Variants in NR3C2 observed in about 807,000 individuals in gnomAD.
NR3C2 encodes nuclear receptor subfamily 3 group C member 2.
NR3C2 carries 15 observed loss-of-function variants against 86.4 expected under a neutral mutation model. The observed-to-expected ratio is 0.17, with a 90% CI of 0.12 to 0.27. The LOEUF (loss-of-function observed/expected upper bound fraction) is 0.27, where lower values mean the gene tolerates loss of function less well. Among genes scored for constraint, NR3C2 ranks in the 10% least tolerant of loss-of-function variants. The pLI is 1.00. For missense variants in NR3C2, 960 were observed against 1,195.6 expected (o/e 0.80, Z 2.91); for synonymous variants, 458 against 450.5 (o/e 1.02, Z -0.21).
chr4:148,440,025 A>T (rs1423854386), intron 1 of NR3C2, among the ~76,000 whole-genome samples: 2 of 152,230 alleles, frequency 1.3e-5, no homozygotes, highest in Non-Finnish European at 2.9e-5. Context: ...GAGTCTCATT[A>T]AGGAATTTGC....
At chr4:148,102,940 G>A (rs1021715269) in intron 8 of NR3C2, among the ~76,000 whole-genome samples, 1 of 152,192 alleles carries the variant, frequency 6.6e-6, no homozygotes, top group Non-Finnish European at 1.5e-5. Context: ...TGGTGAAAAT[G>A]CCTCAACAGC....
At chr4:148,443,222 C>CTAAAAA (rs1750437801), upstream of NR3C2, among the ~76,000 whole-genome samples, 1 of 40,976 alleles carries the variant, frequency 2.4e-5, no homozygotes. Context: ...CCCCTAACAC[C>CTAAAAA]AAAAAAAAAA....
At chr4:148,191,786 T>C (rs951257699) in intron 4 of NR3C2, among the ~76,000 whole-genome samples, 3 of 152,236 alleles carry the variant, frequency 2.0e-5, no homozygotes, top group Non-Finnish European at 4.4e-5. Context: ...GCTTAGACTT[T>C]CCAGAGCATT....
chr4:148,240,208 T>A (rs1479627542), intron 3 of NR3C2, among the ~76,000 whole-genome samples: 1 of 148,020 alleles, frequency 6.8e-6, no homozygotes, highest in Non-Finnish European at 1.5e-5. Context: ...ATAAAAATTA[T>A]CAGATTATCA....
chr4:148,131,938 A>G (rs1578918136), intron 6 of NR3C2, among the ~76,000 whole-genome samples: 2 of 152,276 alleles, frequency 1.3e-5, no homozygotes, highest in Admixed American at 6.5e-5. Flanking sequence ...GTAAAAATCT[A>G]GAAGGGGCCT....
rs531274466 is a variant in NR3C2, at chr4:148,253,953, C to A, written c.1897+6025G>T. Among the ~76,000 whole-genome samples, 3 of 152,162 alleles carry A rather than the reference C, an allele frequency of 2.0e-5. No homozygotes were observed. In the South Asian group the frequency reaches 6.2e-4, roughly 32 times the overall value. On this transcript the variant is annotated intron_variant, in intron 3 of 8. Transcript: ENST00000358102. The stretch of plus-strand genomic sequence containing the variant: ...TTTCATCCCTTGCCCTCAGAGCTGC[C>A]CCTGCTCCAGTATTCCTTATCTCAG...
intron 2 of NR3C2, among the ~76,000 whole-genome samples, chr4:148,335,578 T>C (rs566190606): frequency 1.3e-5 from 2 of 152,232 alleles, no homozygotes; most frequent in East Asian, 1.9e-4. Flanking sequence ...TTCGGCTAAA[T>C]TGGTAAAATT....
At chr4:148,253,139 C>A (rs1212358504) in intron 3 of NR3C2, among the ~76,000 whole-genome samples, 1 of 152,138 alleles carries the variant, frequency 6.6e-6, no homozygotes, top group Non-Finnish European at 1.5e-5. Context: ...GTGACAGAAA[C>A]AAGGGCGAAC....
chr4:148,359,378 A>G (rs766494391), intron 2 of NR3C2, among the ~76,000 whole-genome samples: 1 of 152,334 alleles, frequency 6.6e-6, no homozygotes, highest in East Asian at 1.9e-4. Context: ...GATAGAAGTT[A>G]GGATTTTTAT....
chr4:148,401,461 C>CTTTTTT (rs397881130), intron 2 of NR3C2, among the ~76,000 whole-genome samples: 1 of 116,910 alleles, frequency 8.6e-6, no homozygotes, highest in African/African-American at 3.2e-5. Context: ...AAAGTTGTCT[C>CTTTTTT]TTTTTTTTTT....
chr4:148,251,157 C>A (rs1039350180), intron 3 of NR3C2, among the ~76,000 whole-genome samples: 2 of 152,030 alleles, frequency 1.3e-5, no homozygotes, highest in African/African-American at 4.8e-5. Context: ...TGGGGTTTTG[C>A]CATGTTGCCC....
intron 2 of NR3C2, among the ~76,000 whole-genome samples, chr4:148,331,242 GACATTTTCTTCTTAT>G (rs765525115): frequency 7.5e-4 from 114 of 152,002 alleles, no homozygotes; most frequent in Admixed American, 1.9e-3. Context: ...AGAAATCTTT[GACATTTTCTTCTTAT>G]AAGAAAAAAG....
intron 2 of NR3C2, among the ~76,000 whole-genome samples, chr4:148,316,012 G>T (rs1325515866): frequency 3.3e-4 from 50 of 152,114 alleles, no homozygotes; most frequent in Non-Finnish European, 7.4e-5. Flanking sequence ...CATTATAGAA[G>T]TTATATGAGG....
intron 2 of NR3C2, among the ~76,000 whole-genome samples, chr4:148,312,540 G>GT (rs1742952241): frequency 6.6e-6 from 1 of 152,156 alleles, no homozygotes; most frequent in South Asian, 2.1e-4. Flanking sequence ...TTCTAGTACA[G>GT]TATCTGGCAC....
intron 3 of NR3C2, among the ~76,000 whole-genome samples, chr4:148,222,703 G>A (rs1284129794): frequency 6.6e-6 from 1 of 152,166 alleles, no homozygotes; most frequent in Non-Finnish European, 1.5e-5. Context: ...ATTTAATTCA[G>A]GTAAGTTTAC....
At chr4:148,445,118 C>T (rs1410284969), upstream of NR3C2, among the ~76,000 whole-genome samples, 2 of 151,948 alleles carry the variant, frequency 1.3e-5, no homozygotes, top group Admixed American at 6.5e-5. Context: ...CCACTGACAA[C>T]CTGGAGGCCA....
intron 4 of NR3C2, among the ~76,000 whole-genome samples, chr4:148,172,814 A>C: frequency 6.6e-6 from 1 of 152,264 alleles, no homozygotes; most frequent in African/African-American, 2.4e-5. Flanking sequence ...AAATGTGATG[A>C]GTGCTATAAT....
chr4:148,275,795 G>C (rs1740931895), intron 2 of NR3C2, among the ~76,000 whole-genome samples: 1 of 152,126 alleles, frequency 6.6e-6, no homozygotes, highest in South Asian at 2.1e-4. Context: ...ATTATCATAT[G>C]CTATACAACC....
intron 3 of NR3C2, among the ~76,000 whole-genome samples, chr4:148,223,132 T>C (rs538469284): frequency 1.3e-5 from 2 of 152,260 alleles, no homozygotes; most frequent in Non-Finnish European, 2.9e-5. Flanking sequence ...CCAGCTCCAC[T>C]TTCCAACCTT....
Sources: allele counts gnomAD v4.1 joint callset (sites outside exome capture counted in the v4.1 genomes callset), GRCh38; gene constraint gnomAD v4.1.1; transcripts MANE v1.5; gene names NCBI Gene and HGNC (gene_info 2026-07-23, HGNC 2026-07-21).